The following MAMSTR variants were observed in gnomAD, a reference collection of about 807,000 sequenced individuals.
MAMSTR encodes the protein MEF2-activating motif and SAP domain-containing transcriptional regulator.
A neutral mutation model predicts 42.7 loss-of-function variants in MAMSTR; 41 were observed. The observed-to-expected ratio is 0.96, with a 90% confidence interval of 0.75 to 1.25. The LOEUF is 1.25. MAMSTR is among the 50% of genes most tolerant of loss of function. MAMSTR has a pLI of 0.00. For synonymous variants in MAMSTR, 265 were observed against 244.1 expected (o/e 1.09, Z -0.80); for missense variants, 567 against 557.6 (o/e 1.02, Z -0.17).
Position 48,714,388 on chromosome 19 carries a change from G to A in MAMSTR, c.701C>T (p.Ala234Val), listed in dbSNP as rs777268779. 4 of 1,373,616 alleles carry A rather than the reference G, an allele frequency of 2.9e-6. No individual in the cohort carries two copies. Among genetic ancestry groups the A allele is most frequent in the South Asian group, 3.5e-5 (2 of 57,650 alleles). 85.1% of individuals were successfully genotyped at this position (1,373,616 alleles called of 1,614,324 possible). A position where few individuals can be genotyped will look rare whatever the true frequency, so the allele number is the denominator to read the frequency against. The change falls in exon 7 of 10, where the codon GCA (alanine) becomes GTA (valine). Residue 234 changes from alanine to valine, a missense_variant. Transcript: ENST00000318083. The stretch of plus-strand genomic sequence containing the variant: ...CACCGAGCCCTGACGCCGGGCGGCT[G>A]CCAGGGCCTTGGGCTTGAGGCGCGG... ...PWPRLKPKAL[A>V]AARRQGSVKP...
At position 48,715,709 on chromosome 19, in the gene MAMSTR, G is replaced by A. The variant is rs1443631014; in HGVS notation, c.156C>T (p.Pro52=). ...ASDPPLAPAL[P]SGTAPFLFSP... ...TGAAGAGGAAAGGGGCCGTGCCCGA[G>A]GGCAAGGCCGGGGCCAGAGGAGGGT... Residue 52 remains proline, a synonymous_variant, in exon 4 of 10, where the codon CCC becomes CCT. Transcript: ENST00000318083. 7.8e-6 allele frequency: 12 copies of A among 1,540,012 alleles called. No homozygotes were observed. The highest frequency in any genetic ancestry group is 1.0e-5 in the Non-Finnish European group (12 of 1,144,224).
At position 48,716,685 on chromosome 19, in the gene MAMSTR, CT is replaced by C. The variant is rs1204151465; in HGVS notation, c.97+19del. 4 of 1,332,104 alleles carry C rather than the reference CT, an allele frequency of 3.0e-6. No individual in the cohort carries two copies. The highest frequency in any genetic ancestry group is 2.1e-5 in the South Asian group (1 of 46,860). The allele number at this position is 1,332,104 out of a possible 1,614,324, so 82.5% of individuals were successfully genotyped here. A position where few individuals can be genotyped will look rare whatever the true frequency, so the allele number is the denominator to read the frequency against. On this transcript the variant is annotated intron_variant, in intron 3 of 9. Coordinates refer to ENST00000318083, the MANE Select transcript of MAMSTR (RefSeq NM_001130915.2). ...GGAGTGGGGGGTCACCATCCCCTCC[CT>C]TTTGGGGCCCATACTTACTCTGCTC...
At chr19:48,708,174 C>T (rs985530138), downstream of MAMSTR, among the ~76,000 whole-genome samples, 2 of 140,050 alleles carry the variant, frequency 1.4e-5, no homozygotes, top group South Asian at 2.5e-4. Context: ...GCAGAGGTTG[C>T]GGTGAGCCGA....
rs752869239 is a variant in MAMSTR, at chr19:48,714,848, TG to T, written c.485del (p.Pro162HisfsTer14). On this transcript the variant is annotated frameshift_variant, in exon 6 of 10. Transcript: ENST00000318083. LOFTEE classifies it high-confidence loss of function. ...PPGVPSPSPP[P>X]HKLELQTLKL... is the part of the protein sequence containing the mutation. ...TAAGGGTCTGAAGTTCCAACTTGTG[TG>T]GGGGGGGCGAGGGGCTAGGGACTCC... 8.1e-6 allele frequency: 13 copies of T among 1,598,734 alleles called. No homozygotes were observed. The highest frequency in any genetic ancestry group is 4.6e-5 in the East Asian group (2 of 43,548).
At chr19:48,716,669 G>T in intron 3 of MAMSTR, 36 bp downstream of exon 3, 1 of 1,332,330 alleles carries the variant, frequency 7.5e-7, no homozygotes, top group Non-Finnish European at 9.7e-7. Context: ...GGGAGTGGGG[G>T]GTCACCATCC....
intron 2 of MAMSTR, 27 bp from the exon 3 acceptor site, chr19:48,716,770 G>A (rs746874608): frequency 4.6e-6 from 6 of 1,293,176 alleles, no homozygotes; most frequent in South Asian, 5.4e-5. Flanking sequence ...GAGGTGGGAG[G>A]AGGAAGGCGG....
At position 48,713,924 on chromosome 19, in the gene MAMSTR, G is replaced by A. The variant is rs374338052; in HGVS notation, c.845C>T (p.Ser282Leu). 329 of 1,612,578 alleles carry A rather than the reference G, an allele frequency of 2.0e-4. No individual in the cohort carries two copies. The Middle Eastern group carries it at 2.1e-3, about 11-fold the overall frequency. The change falls in exon 8 of 10, where the codon TCA becomes TTA. Residue 282 changes from serine (S) to leucine (L), a missense_variant. Physicochemically the swap from Ser to Leu is moderately radical, Grantham distance 145. Coordinates refer to ENST00000318083, the MANE Select transcript of MAMSTR (RefSeq NM_001130915.2). ...PAAAPALTPSSGPGSAALTLE... is the reference protein window; with the variant it reads ...PAAAPALTPSLGPGSAALTLE... ...AGTCAGAGCCGCTGAGCCCGGCCCT[G>A]AGGAAGGGGTCAGGGCTGGAGCTGC... is the stretch of plus-strand genomic sequence containing the variant.
rs774347340 is a variant in MAMSTR, at chr19:48,713,317, A to T, written c.1198T>A (p.Ser400Thr). The change falls in exon 10 of 10, where the codon TCT becomes ACT. Residue 400 changes from serine to threonine, a missense_variant. Ser to Thr is a moderately conservative substitution (Grantham distance 58). Coordinates refer to ENST00000318083, the MANE Select transcript of MAMSTR (RefSeq NM_001130915.2). ...PPPSIFSADL[S>T]DSSSSRLWDL... is the part of the protein sequence containing the mutation. ...CACAGCCGGCTGCTGCTGGAGTCAG[A>T]TAAGTCAGCGGAGAAGATGCTGGGG... is the stretch of plus-strand genomic sequence containing the variant. 45 of 1,606,814 alleles carry T rather than the reference A, an allele frequency of 2.8e-5. No individual in the cohort carries two copies. The South Asian group carries it at 3.1e-4, about 11-fold the overall frequency.
In MAMSTR at chr19:48,713,038, A is replaced by C. The variant is rs763864096; in HGVS notation, c.*229T>G. 1.0e-5 allele frequency: 5 copies of C among 476,416 alleles called. No individual in the cohort carries two copies. The highest frequency in any genetic ancestry group is 1.1e-5 in the Non-Finnish European group (3 of 273,312). The allele number at this position is 476,416 out of a possible 1,614,324, so 29.5% of individuals were successfully genotyped here. ...CAGCTTGTTTGCCGTGGCCAGCAGC[A>C]AAAGAAGCCCCCCAACCATACCACG... On this transcript the variant is annotated 3_prime_UTR_variant, in exon 10 of 10. Coordinates refer to ENST00000318083, the MANE Select transcript of MAMSTR (RefSeq NM_001130915.2).
In MAMSTR at chr19:48,714,351, T is replaced by C. The variant is rs755483770; in HGVS notation, c.723+15A>G. The stretch of plus-strand genomic sequence containing the variant: ...TTCTCTTCATTGGTCCGCAAGCTCA[T>C]AGCCCCGCCCTCACCGAGCCCTGAC... On this transcript the variant is annotated intron_variant, in intron 7 of 9. Transcript: ENST00000318083. The C allele has an allele frequency of 1.3e-5, 18 of 1,363,930 alleles. No individual in the cohort carries two copies. Among genetic ancestry groups the C allele is most frequent in the South Asian group, 5.4e-5 (3 of 55,330 alleles). The allele number at this position is 1,363,930 out of a possible 1,614,324, so 84.5% of individuals were successfully genotyped here. A position where few individuals can be genotyped will look rare whatever the true frequency, so the allele number is the denominator to read the frequency against.
At position 48,713,344 on chromosome 19, in the gene MAMSTR, G is replaced by A. The variant is rs550062222; in HGVS notation, c.1171C>T (p.Pro391Ser). Residue 391 changes from proline (P) to serine (S), a missense_variant, in exon 10 of 10, where the codon CCC (proline) becomes TCC (serine). By Grantham distance (74) the Pro-to-Ser change is moderately conservative (BLOSUM62 -1). Coordinates refer to ENST00000318083, the MANE Select transcript of MAMSTR (RefSeq NM_001130915.2). Reference sequence around the variant, plus strand: ...AAGTCAGCGGAGAAGATGCTGGGGGGTGGGGGACCAGAACCCAGAGGAGGA... The same window carrying A: ...AAGTCAGCGGAGAAGATGCTGGGGGATGGGGGACCAGAACCCAGAGGAGGA... ...GGPPLGSGPP[P>S]PSIFSADLSD... The A allele has an allele frequency of 2.5e-6, 4 of 1,608,782 alleles. No individual in the cohort carries two copies. Among genetic ancestry groups the A allele is most frequent in the African/African-American group, 2.7e-5 (2 of 74,550 alleles).
At chr19:48,710,273 T>TC (rs2032702946), downstream of MAMSTR, among the ~76,000 whole-genome samples, 1 of 145,116 alleles carries the variant, frequency 6.9e-6, no homozygotes, top group Non-Finnish European at 1.5e-5. Flanking sequence ...CCTGGCTAAT[T>TC]ATTTTTTTTT....
intron 2 of MAMSTR, among the ~76,000 whole-genome samples, chr19:48,718,380 C>CTTTTTTTTTT (rs796615883): frequency 1.1e-5 from 1 of 95,164 alleles, no homozygotes; most frequent in African/African-American, 4.5e-5. Flanking sequence ...TTGCACACTT[C>CTTTTTTTTTT]TTTTTTTTTT....
intron 3 of MAMSTR, 80 bp downstream of exon 3, chr19:48,716,625 G>T (rs2033047694): frequency 1.3e-5 from 17 of 1,290,470 alleles, no homozygotes; most frequent in Non-Finnish European, 1.7e-5. Flanking sequence ...CCAATGAGGG[G>T]TATCTGGCAG....
downstream of MAMSTR, among the ~76,000 whole-genome samples, chr19:48,712,540 A>T (rs1181102916): frequency 6.7e-5 from 10 of 148,856 alleles, no homozygotes; most frequent in East Asian, 2.0e-4. Context: ...TCCTGCCTCA[A>T]CCTCCCAAGT....
the MAMSTR span, among the ~76,000 whole-genome samples, chr19:48,706,332 A>C: frequency 6.6e-6 from 1 of 151,054 alleles, no homozygotes; most frequent in African/African-American, 2.4e-5. Context: ...TCCTATTACA[A>C]GTCTGGATCA....
At chr19:48,718,807 CGTT>C (rs1173278075) in intron 2 of MAMSTR, among the ~76,000 whole-genome samples, 164 bp downstream of exon 2, 3 of 152,232 alleles carry the variant, frequency 2.0e-5, no homozygotes, top group East Asian at 1.9e-4. Context: ...TTTGCACACT[CGTT>C]GATCCACCAC....
downstream of MAMSTR, among the ~76,000 whole-genome samples, chr19:48,707,888 A>G (rs200469255): frequency 0.034 from 2,690 of 80,196 alleles, 43 homozygotes; most frequent in Middle Eastern, 0.072. Context: ...AGAAAGAAAG[A>G]AAAGAAAGAA....
chr19:48,714,228 A>C, intron 7 of MAMSTR, 138 bp downstream of exon 7: 1 of 991,982 alleles, frequency 1.0e-6, no homozygotes, highest in Non-Finnish European at 1.4e-6. Context: ...TGTTAGTCTG[A>C]ACCACGTCCC....
Sources: gnomAD v4.1 joint callset for allele counts (sites outside exome capture counted in the v4.1 genomes callset) on GRCh38, gnomAD v4.1.1 for gene constraint, MANE v1.5 for transcripts, NCBI Gene and HGNC (gene_info 2026-07-23, HGNC 2026-07-21) for gene names.